Variants in SH3TC2 observed in about 807,000 individuals in gnomAD.
The protein encoded by SH3TC2 is SH3 domain and tetratricopeptide repeats 2, also known as SH3 domain and tetratricopeptide repeat-containing protein 2.
In SH3TC2, 87 loss-of-function variants were observed where a neutral mutation model predicts 124.5. The ratio of observed to expected loss-of-function variants is 0.70; its 90% confidence interval spans 0.59 to 0.84. The LOEUF (loss-of-function observed/expected upper bound fraction) is 0.84. Ranked by LOEUF, SH3TC2 falls within the 40% of genes least tolerant of loss-of-function variation. SH3TC2 has a pLI of 0.00. For missense variants in SH3TC2, 1,536 were observed against 1,566.4 expected, an observed-to-expected ratio of 0.98 and a Z score of 0.33; for synonymous variants, 634 against 628.5, an observed-to-expected ratio of 1.01 and a Z score of -0.13.
rs1753574076 is a variant in SH3TC2, at chr5:149,000,144, C to T, written c.*4567G>A. On this transcript the variant is annotated 3_prime_UTR_variant, in exon 17 of 17. Transcript: ENST00000515425. ...AACATCCTGTAACTAACACCAATCA[C>T]AATGCTTCTGATACTGAATCATATT... Among the ~76,000 whole-genome samples, 1 of 152,212 alleles carries T rather than the reference C, an allele frequency of 6.6e-6. No individual in the cohort carries two copies. Among genetic ancestry groups the T allele is most frequent in the Non-Finnish European group, 1.5e-5 (1 of 68,040 alleles).
intron 8 of SH3TC2, chr5:149,034,527 AAAAT>A (rs1206593975): frequency 2.0e-5 from 8 of 400,092 alleles, no homozygotes; most frequent in Non-Finnish European, 3.0e-5. Flanking sequence ...AGTCCTGAGC[AAAAT>A]AAATAAATAT....
rs2127393384 is a variant in SH3TC2, at chr5:149,012,652, C to G, written c.3136G>C (p.Ala1046Pro). The G allele has an allele frequency of 6.2e-7, 1 of 1,614,166 alleles. No homozygotes were observed. The highest frequency in any genetic ancestry group is 1.6e-4 in the Middle Eastern group (1 of 6,062). ...TGGAGTCGCCCCGCCCCAAGCCAGGCCTCAGCAGCCTTGTCTGTCTCCCCC... is the reference window on the plus strand; with the variant it reads ...TGGAGTCGCCCCGCCCCAAGCCAGGGCTCAGCAGCCTTGTCTGTCTCCCCC... ...DLGETDKAAE[A>P]WLGAGRLHYL... Residue 1046 changes from alanine to proline, a missense_variant, in exon 13 of 17, where the codon GCC becomes CCC. Physicochemically the swap from Ala to Pro is conservative, Grantham distance 27. This residue lies in a region of SH3TC2 where 426 missense variants were observed against 443.5 expected (regional missense o/e 0.96). Transcript: ENST00000515425.
chr5:149,041,083 G>C (rs1232451228), intron 6 of SH3TC2, among the ~76,000 whole-genome samples: 2 of 152,134 alleles, frequency 1.3e-5, no homozygotes, highest in African/African-American at 4.8e-5. Flanking sequence ...TTAAAATGAA[G>C]ATTCCTAGAC....
At chr5:149,049,596 G>A (rs903513354) in intron 2 of SH3TC2, among the ~76,000 whole-genome samples, 3 of 151,978 alleles carry the variant, frequency 2.0e-5, no homozygotes, top group African/African-American at 7.2e-5. Context: ...CCAAAACCCT[G>A]TCTTCTGACA....
In SH3TC2 at chr5:148,994,960, A is replaced by G. The variant is rs1332504156; in HGVS notation, c.*9751T>C. Among the ~76,000 whole-genome samples the G allele has an allele frequency of 6.6e-6, 1 of 152,138 alleles. No individual in the cohort carries two copies. The highest frequency in any genetic ancestry group is 1.5e-5 in the Non-Finnish European group (1 of 68,030). On this transcript the variant is annotated 3_prime_UTR_variant, in exon 17 of 17. Coordinates refer to ENST00000515425, the MANE Select transcript of SH3TC2 (RefSeq NM_024577.4). ...AAGGAAAGAGACTTGGGATTATGAA[A>G]CAATACTCTGGACCACTCAGGCCTC...
chr5:148,982,878 T>G lies in SH3TC2; in HGVS notation c.*21833A>C, dbSNP rs1016544458. On this transcript the variant is annotated 3_prime_UTR_variant, in exon 17 of 17. Transcript: ENST00000515425. Reference sequence around the variant, plus strand: ...AATACTTTTAAAATAAAAAATGAGCTGTTTTAACACCAGTGGACCTTGTGA... The same window carrying G: ...AATACTTTTAAAATAAAAAATGAGCGGTTTTAACACCAGTGGACCTTGTGA... 3.3e-5 allele frequency among the ~76,000 whole-genome samples: 5 copies of G among 152,248 alleles called. No homozygotes were observed. The highest frequency in any genetic ancestry group is 1.2e-4 in the African/African-American group (5 of 41,470).
rs552099019 is a variant in SH3TC2 at position 148,994,610 on chromosome 5, G to A, written c.*10101C>T. On this transcript the variant is annotated 3_prime_UTR_variant, in exon 17 of 17. Transcript: ENST00000515425. ...TGGTTGGGTGGTTAGATGGTTGGTT[G>A]GTTGGTTGGTTGGTTGGTTGGTTGG... 5.1e-3 allele frequency among the ~76,000 whole-genome samples: 625 copies of A among 122,474 alleles called. 4 individuals are homozygous for A. Among genetic ancestry groups the A allele is most frequent in the Non-Finnish European group, 7.1e-3 (425 of 59,640 alleles). The allele number at this position is 122,474 out of a possible 152,430, so 80.3% of individuals were successfully genotyped here.
At chr5:149,008,468 T>C (rs958737427) in intron 15 of SH3TC2, 2 of 299,320 alleles carry the variant, frequency 6.7e-6, no homozygotes, top group African/African-American at 4.3e-5. Context: ...AATGGGAACA[T>C]AGCTTATGAA....
At chr5:149,044,024 G>A (rs1754415073) in intron 4 of SH3TC2, 1 of 159,932 alleles carries the variant, frequency 6.3e-6, no homozygotes, top group Non-Finnish European at 1.4e-5. Flanking sequence ...GCATCCCAAT[G>A]TCCTTCTTTA....
chr5:149,025,739 T>C (rs1475969367), intron 12 of SH3TC2: 2 of 152,208 alleles, frequency 1.3e-5, no homozygotes, highest in Admixed American at 6.5e-5. Flanking sequence ...CAAGTGATAA[T>C]AATGTGAATA....
chr5:149,010,239 T>C (rs761737026), intron 14 of SH3TC2, 31 bp downstream of exon 14: 13 of 1,614,030 alleles, frequency 8.1e-6, no homozygotes, highest in South Asian at 2.2e-5. Flanking sequence ...TGCCAGGACC[T>C]GTCTCAGCAA....
Position 149,005,192 on chromosome 5 carries a change from A to T in SH3TC2, c.3676-290T>A, listed in dbSNP as rs116235152. On this transcript the variant is annotated intron_variant, in intron 16 of 16. Coordinates refer to ENST00000515425, the MANE Select transcript of SH3TC2 (RefSeq NM_024577.4). ...TTGCCCTGGGCACAGTGCTTCAGGG[A>T]TGTGTACATGACCCAAACTTGGCCT... is the stretch of plus-strand genomic sequence containing the variant. 4.8e-3 allele frequency among the ~76,000 whole-genome samples: 732 copies of T among 152,194 alleles called. 6 individuals carry two copies. The highest frequency in any genetic ancestry group is 0.016 in the African/African-American group (667 of 41,528).
Position 148,989,030 on chromosome 5 carries a change from C to T in SH3TC2, c.*15681G>A, listed in dbSNP as rs184366249. On this transcript the variant is annotated 3_prime_UTR_variant, in exon 17 of 17. Transcript: ENST00000515425. ...AAAAAACAACCACCAACCACACACT[C>T]ATATAACACACACAACACACACAAA... 2.0e-5 allele frequency among the ~76,000 whole-genome samples: 3 copies of T among 152,308 alleles called. No homozygotes were observed. Among genetic ancestry groups the T allele is most frequent in the South Asian group, 4.1e-4 (2 of 4,822 alleles).
At chr5:149,040,177 C>A (rs1209362001) in intron 7 of SH3TC2, among the ~76,000 whole-genome samples, 1 of 152,114 alleles carries the variant, frequency 6.6e-6, no homozygotes, top group Non-Finnish European at 1.5e-5. Flanking sequence ...TCTACTCTTC[C>A]TAAATTCAAA....
chr5:149,036,459 C>T (rs1254361473), intron 8 of SH3TC2, among the ~76,000 whole-genome samples: 1 of 152,214 alleles, frequency 6.6e-6, no homozygotes, highest in Non-Finnish European at 1.5e-5. Context: ...TAAATGGAGG[C>T]ATCCTCCAGG....
At chr5:149,016,285 C>A (rs1753871956) in intron 12 of SH3TC2, among the ~76,000 whole-genome samples, 1 of 152,106 alleles carries the variant, frequency 6.6e-6, no homozygotes, top group Non-Finnish European at 1.5e-5. Flanking sequence ...AGAGTCTGAC[C>A]CAGAACCCTT....
In SH3TC2 at chr5:149,010,277, T is replaced by C. The variant is rs761534294; in HGVS notation, c.3320A>G (p.Tyr1107Cys). 3.1e-6 allele frequency: 5 copies of C among 1,614,100 alleles called. No individual in the cohort carries two copies. The Admixed American group carries it at 5.0e-5, about 16-fold the overall frequency. Residue 1107 changes from tyrosine to cysteine, a missense_variant, in exon 14 of 17, where the codon TAC becomes TGC. Tyr to Cys is a radical substitution (Grantham distance 194). This residue lies in a region of SH3TC2 where 426 missense variants were observed against 443.5 expected (regional missense o/e 0.96). Coordinates refer to ENST00000515425, the MANE Select transcript of SH3TC2 (RefSeq NM_024577.4). ...TGCACAGCTTGGACTTACTCGGTAG[T>C]ACTCCACTGCATGATGCCTGTGGCG... is the stretch of plus-strand genomic sequence containing the variant. ...GTRHRHHAVE[Y>C]YRAGAVPLAR...
chr5:149,057,132 G>C (rs10061897), intron 1 of SH3TC2, among the ~76,000 whole-genome samples: 11,439 of 152,002 alleles, frequency 0.075, 498 homozygotes, highest in African/African-American at 0.12. Flanking sequence ...AATAATACAG[G>C]CTGCTGATTA....
Position 148,991,452 on chromosome 5 carries a change from C to T in SH3TC2, c.*13259G>A, listed in dbSNP as rs1231173391. On this transcript the variant is annotated 3_prime_UTR_variant, in exon 17 of 17. Transcript: ENST00000515425. Reference sequence around the variant, plus strand: ...CTAACTTTAGCCATATGGGCTCATCCTGTATTTCCCAGGACCCAGGAGTCT... The same window carrying T: ...CTAACTTTAGCCATATGGGCTCATCTTGTATTTCCCAGGACCCAGGAGTCT... 6.6e-6 allele frequency among the ~76,000 whole-genome samples: 1 copy of T among 152,190 alleles called. No individual in the cohort carries two copies. Among genetic ancestry groups the T allele is most frequent in the Non-Finnish European group, 1.5e-5 (1 of 68,038 alleles).
Sources: gnomAD v4.1 joint callset for allele counts (sites outside exome capture counted in the v4.1 genomes callset) on GRCh38, gnomAD v4.1.1 for gene constraint, gnomAD v4.1.1 regional missense constraint, MANE v1.5 for transcripts, NCBI Gene and HGNC (gene_info 2026-07-23, HGNC 2026-07-21) for gene names.